CDK14: variants seen among roughly 807,000 people sequenced by gnomAD.
The protein encoded by CDK14 is cyclin dependent kinase 14.
CDK14 carries 34 observed loss-of-function variants against 60.7 expected under a neutral mutation model. The ratio of observed to expected loss-of-function variants is 0.56; its 90% CI spans 0.43 to 0.75. CDK14 has a LOEUF of 0.75. Ranked by LOEUF, CDK14 falls within the 30% of genes least tolerant of loss-of-function variation. The probability of loss-of-function intolerance (pLI) is 0.00; values close to 1 mark genes in which losing one functional copy is unlikely to be tolerated. For synonymous variants in CDK14, 197 were observed against 203.7 expected, an observed-to-expected ratio of 0.97 and a Z score of 0.28; for missense variants, 482 against 564.1, an observed-to-expected ratio of 0.85 and a Z score of 1.47.
At chr7:91,166,782 T>C (rs1174906817) in intron 14 of CDK14, among the ~76,000 whole-genome samples, 3 of 152,198 alleles carry the variant, frequency 2.0e-5, no homozygotes, top group Non-Finnish European at 4.4e-5. Context: ...CACAACCCAA[T>C]GTGTGTCTGA....
chr7:90,664,878 G>T (rs899780554), intron 2 of CDK14, among the ~76,000 whole-genome samples: 2 of 152,036 alleles, frequency 1.3e-5, no homozygotes, highest in Non-Finnish European at 2.9e-5. Flanking sequence ...AACATGGCAC[G>T]TGTATACATA....
chr7:90,700,372 G>A (rs183033190), intron 2 of CDK14, among the ~76,000 whole-genome samples: 133 of 152,246 alleles, frequency 8.7e-4, no homozygotes, highest in African/African-American at 2.9e-3. Context: ...GATTACAGGC[G>A]TGAGCCACTG....
chr7:90,991,036 G>T (rs370657345), intron 10 of CDK14, among the ~76,000 whole-genome samples: 1 of 152,156 alleles, frequency 6.6e-6, no homozygotes, highest in African/African-American at 2.4e-5. Flanking sequence ...GTTGCAAAAC[G>T]ATTGTTACAC....
chr7:90,770,342 T>C (rs1804736491), intron 4 of CDK14, among the ~76,000 whole-genome samples: 1 of 152,248 alleles, frequency 6.6e-6, no homozygotes, highest in Non-Finnish European at 1.5e-5. Context: ...AGTATACTTA[T>C]CTTTTAAGTA....
At chr7:90,686,183 A>C (rs1229497125) in intron 2 of CDK14, among the ~76,000 whole-genome samples, 1 of 152,096 alleles carries the variant, frequency 6.6e-6, no homozygotes, top group Non-Finnish European at 1.5e-5. Context: ...ATTAATTCTT[A>C]TTATGATGAT....
At chr7:90,708,921 T>A (rs1171351272) in intron 2 of CDK14, among the ~76,000 whole-genome samples, 1 of 152,144 alleles carries the variant, frequency 6.6e-6, no homozygotes, top group Non-Finnish European at 1.5e-5. Flanking sequence ...AAAGAGTGGA[T>A]CAACCACTCT....
chr7:91,012,113 G>A (rs187850095), intron 10 of CDK14, among the ~76,000 whole-genome samples: 11 of 152,102 alleles, frequency 7.2e-5, no homozygotes, highest in Admixed American at 6.5e-4. Flanking sequence ...CAGCCTTTTG[G>A]TCTTGCTTTT....
chr7:91,184,686 T>C (rs536283134), intron 14 of CDK14, among the ~76,000 whole-genome samples: 1 of 152,252 alleles, frequency 6.6e-6, no homozygotes, highest in East Asian at 1.9e-4. Context: ...GGTGTAAAGT[T>C]GCTGAATTGG....
intron 2 of CDK14, among the ~76,000 whole-genome samples, chr7:90,643,841 A>G (rs911079475): frequency 2.0e-5 from 3 of 152,172 alleles, no homozygotes; most frequent in African/African-American, 7.2e-5. Flanking sequence ...AACAGCCTCA[A>G]ATTTTTATTT....
intron 12 of CDK14, among the ~76,000 whole-genome samples, chr7:91,091,501 T>TTTTATATATATATATATATATATATA (rs1369809555): frequency 1.1e-5 from 1 of 88,972 alleles, no homozygotes; most frequent in African/African-American, 4.3e-5. Flanking sequence ...TTTATATATT[T>TTTTATATATATATATATATATATATA]TATATATATA....
intron 13 of CDK14, among the ~76,000 whole-genome samples, chr7:91,115,862 A>G (rs1562910833): frequency 6.6e-6 from 1 of 152,202 alleles, no homozygotes; most frequent in Non-Finnish European, 1.5e-5. Flanking sequence ...TTAGTATACT[A>G]TTCCTTAAAA....
intron 8 of CDK14, among the ~76,000 whole-genome samples, chr7:90,938,995 C>G (rs1219547782): frequency 6.6e-6 from 1 of 152,186 alleles, no homozygotes; most frequent in Non-Finnish European, 1.5e-5. Context: ...TCCACATGTA[C>G]TAAATTTTAC....
chr7:91,143,310 C>CGGT (rs1253624468), intron 14 of CDK14, among the ~76,000 whole-genome samples: 1 of 152,192 alleles, frequency 6.6e-6, no homozygotes, highest in Non-Finnish European at 1.5e-5. Flanking sequence ...GTAGTAAAGA[C>CGGT]CGTTCACTAT....
chr7:90,817,906 G>A (rs1341650191), intron 5 of CDK14, among the ~76,000 whole-genome samples: 3 of 152,098 alleles, frequency 2.0e-5, no homozygotes, highest in Admixed American at 1.3e-4. Flanking sequence ...TGGTGGGTAA[G>A]GGAACCAATC....
At chr7:90,773,241 C>T (rs1243353055) in intron 4 of CDK14, among the ~76,000 whole-genome samples, 2 of 152,148 alleles carry the variant, frequency 1.3e-5, no homozygotes, top group African/African-American at 4.8e-5. Flanking sequence ...CACCTTTCTT[C>T]TGTGGTTCAT....
At chr7:90,954,285 A>G (rs1183991596) in intron 8 of CDK14, among the ~76,000 whole-genome samples, 1 of 152,102 alleles carries the variant, frequency 6.6e-6, no homozygotes, top group Non-Finnish European at 1.5e-5. Flanking sequence ...AGAAAAAGCC[A>G]TTTCCTTACT....
intron 2 of CDK14, among the ~76,000 whole-genome samples, chr7:90,643,139 A>G (rs1187294630): frequency 6.6e-6 from 1 of 152,224 alleles, no homozygotes; most frequent in Non-Finnish European, 1.5e-5. Flanking sequence ...AAAGATGAGC[A>G]GACCTTTGCC....
intron 11 of CDK14, among the ~76,000 whole-genome samples, chr7:91,063,777 A>T (rs1209206806): frequency 6.6e-6 from 1 of 152,178 alleles, no homozygotes; most frequent in Non-Finnish European, 1.5e-5. Flanking sequence ...CCCTGGAGTA[A>T]TACTGCTTTC....
At chr7:90,692,983 G>T (rs989242685) in intron 2 of CDK14, among the ~76,000 whole-genome samples, 1 of 151,868 alleles carries the variant, frequency 6.6e-6, no homozygotes, top group East Asian at 1.9e-4. Flanking sequence ...TGCCAGTAGG[G>T]TTCTGTAGCT....
Sources: allele counts gnomAD v4.1 joint callset (sites outside exome capture counted in the v4.1 genomes callset), GRCh38; gene constraint gnomAD v4.1.1; transcripts MANE v1.5; gene names NCBI Gene and HGNC (gene_info 2026-07-23, HGNC 2026-07-21).